Variants in SPAG16 observed in about 807,000 individuals in gnomAD.
SPAG16 encodes the protein sperm-associated antigen 16 protein.
In SPAG16, 86 loss-of-function variants were observed where a neutral mutation model predicts 80.4. That is an observed-to-expected ratio of 1.07 (90% confidence interval 0.90 to 1.28). SPAG16 has a LOEUF of 1.28. Among genes scored for constraint, SPAG16 ranks in the 50% most tolerant of loss-of-function variants. The probability of loss-of-function intolerance (pLI) is 0.00; values close to 1 mark genes in which losing one functional copy is unlikely to be tolerated. For missense variants in SPAG16, 870 were observed against 765.3 expected, an observed-to-expected ratio of 1.14 and a Z score of -1.61; for synonymous variants, 294 against 265.9, an observed-to-expected ratio of 1.11 and a Z score of -1.03.
chr2:214,136,191 A>G (rs12694318), intron 14 of SPAG16, among the ~76,000 whole-genome samples: 46,527 of 151,826 alleles, frequency 0.31, 7,519 homozygotes, highest in East Asian at 0.45. Context: ...AGTGAGCCAC[A>G]CCTATGACTC....
chr2:213,953,644 T>C (rs546863808), intron 12 of SPAG16, among the ~76,000 whole-genome samples: 2 of 152,040 alleles, frequency 1.3e-5, no homozygotes, highest in African/African-American at 4.8e-5. Flanking sequence ...ATTATTAGCA[T>C]TCTGAAATGA....
intron 5 of SPAG16, among the ~76,000 whole-genome samples, chr2:213,338,858 G>C (rs2064523036): frequency 6.6e-6 from 1 of 151,580 alleles, no homozygotes; most frequent in Non-Finnish European, 1.5e-5. Context: ...ACTGGCGCCT[G>C]TCAGGGGGTG....
At chr2:214,194,151 T>G (rs2057758155) in intron 15 of SPAG16, among the ~76,000 whole-genome samples, 1 of 152,096 alleles carries the variant, frequency 6.6e-6, no homozygotes, top group Non-Finnish European at 1.5e-5. Context: ...GCTCAAATAG[T>G]TGGCGAGTTG....
At chr2:213,446,530 C>CA (rs2071322111) in intron 9 of SPAG16, among the ~76,000 whole-genome samples, 1 of 152,128 alleles carries the variant, frequency 6.6e-6, no homozygotes, top group Non-Finnish European at 1.5e-5. Flanking sequence ...CATAGGCAGA[C>CA]AAAATAAAGT....
intron 15 of SPAG16, among the ~76,000 whole-genome samples, chr2:214,290,220 T>C (rs1219839520): frequency 1.3e-5 from 2 of 152,214 alleles, no homozygotes; most frequent in Admixed American, 6.5e-5. Flanking sequence ...TTGTGCATAA[T>C]GATCTCTGAT....
At chr2:213,640,185 C>T (rs1047092875) in intron 10 of SPAG16, among the ~76,000 whole-genome samples, 1 of 151,900 alleles carries the variant, frequency 6.6e-6, no homozygotes, top group Non-Finnish European at 1.5e-5. Flanking sequence ...TTTGTTTTCT[C>T]CTTTCTTTGG....
chr2:213,761,326 A>G (rs2068645560), intron 10 of SPAG16, among the ~76,000 whole-genome samples: 1 of 152,204 alleles, frequency 6.6e-6, no homozygotes. Flanking sequence ...CAAGTCAACA[A>G]CCTAGCTTTA....
intron 5 of SPAG16, among the ~76,000 whole-genome samples, chr2:213,331,519 G>C (rs1033716757): frequency 6.6e-6 from 1 of 152,174 alleles, no homozygotes; most frequent in Non-Finnish European, 1.5e-5. Flanking sequence ...CCCATTTTCA[G>C]TATTGGACAG....
intron 8 of SPAG16, among the ~76,000 whole-genome samples, chr2:213,365,704 T>C (rs1381586578): frequency 6.6e-6 from 1 of 151,820 alleles, no homozygotes; most frequent in Non-Finnish European, 1.5e-5. Flanking sequence ...GTGATCCGCC[T>C]GCCTCAGCCT....
At chr2:213,643,531 C>T (rs2062703717) in intron 10 of SPAG16, among the ~76,000 whole-genome samples, 1 of 148,330 alleles carries the variant, frequency 6.7e-6, no homozygotes, top group Non-Finnish European at 1.5e-5. Context: ...CCTTCTTGTA[C>T]TTGGATATCG....
At chr2:213,842,092 T>C (rs949531788) in intron 10 of SPAG16, among the ~76,000 whole-genome samples, 1 of 152,158 alleles carries the variant, frequency 6.6e-6, no homozygotes, top group African/African-American at 2.4e-5. Context: ...ATTATAACAC[T>C]TCATATGATC....
intron 15 of SPAG16, among the ~76,000 whole-genome samples, chr2:214,397,394 G>A (rs772510949): frequency 9.2e-5 from 14 of 152,028 alleles, no homozygotes; most frequent in Non-Finnish European, 1.9e-4. Context: ...TCCGGACCTC[G>A]TGATCTGCCC....
intron 14 of SPAG16, among the ~76,000 whole-genome samples, chr2:214,109,548 T>C (rs1027859971): frequency 6.6e-6 from 1 of 152,220 alleles, no homozygotes; most frequent in African/African-American, 2.4e-5. Context: ...ACCATCCTGC[T>C]AGTATCATTC....
chr2:214,303,226 T>G (rs1694686028), intron 15 of SPAG16, among the ~76,000 whole-genome samples: 1 of 152,228 alleles, frequency 6.6e-6, no homozygotes. Context: ...ATCTGTGAGA[T>G]TTGTACGTAC....
intron 10 of SPAG16, among the ~76,000 whole-genome samples, chr2:213,528,693 G>C (rs2125875823): frequency 6.6e-6 from 1 of 152,114 alleles, no homozygotes; most frequent in South Asian, 2.1e-4. Context: ...CTAAATCAGG[G>C]GTATCCAATT....
chr2:213,577,239 T>A (rs1208127696), intron 10 of SPAG16, among the ~76,000 whole-genome samples: 1 of 152,150 alleles, frequency 6.6e-6, no homozygotes, highest in Non-Finnish European at 1.5e-5. Flanking sequence ...GGCAACATAA[T>A]CCTAGATAAC....
intron 14 of SPAG16, among the ~76,000 whole-genome samples, chr2:214,112,287 G>C (rs939622898): frequency 2.6e-5 from 4 of 152,152 alleles, no homozygotes; most frequent in African/African-American, 9.7e-5. Context: ...TGTATATTCT[G>C]TTGATTTGGG....
chr2:213,863,583 A>G (rs963256540), intron 11 of SPAG16, among the ~76,000 whole-genome samples: 3 of 152,064 alleles, frequency 2.0e-5, no homozygotes, highest in African/African-American at 4.8e-5. Flanking sequence ...ACCCTACTTT[A>G]TGAACATGCA....
At chr2:213,840,133 G>C (rs576998591) in intron 10 of SPAG16, among the ~76,000 whole-genome samples, 19 of 152,142 alleles carry the variant, frequency 1.2e-4, no homozygotes, top group South Asian at 4.2e-4. Flanking sequence ...TTTCATACTT[G>C]GAAATTAGGA....
Sources: gnomAD v4.1 joint callset for allele counts (sites outside exome capture counted in the v4.1 genomes callset) on GRCh38, gnomAD v4.1.1 for gene constraint, MANE v1.5 for transcripts, NCBI Gene and HGNC (gene_info 2026-07-23, HGNC 2026-07-21) for gene names.